SRGAP2C: variants seen among roughly 807,000 people sequenced by gnomAD.
SRGAP2C encodes SLIT-ROBO Rho GTPase activating protein 2C, also known as SLIT-ROBO Rho GTPase-activating protein 2C.
In SRGAP2C, 15 loss-of-function variants were observed where a neutral mutation model predicts 25.1. The observed-to-expected ratio is 0.60, with a 90% CI of 0.40 to 0.92. The LOEUF (loss-of-function observed/expected upper bound fraction) is 0.92. SRGAP2C is among the 40% of genes least tolerant of loss of function. SRGAP2C has a pLI of 0.00. For missense variants in SRGAP2C, 144 were observed against 264.4 expected (o/e 0.54, Z 3.16); for synonymous variants, 44 against 96.6 (o/e 0.46, Z 3.19).
intron 4 of SRGAP2C, among the ~76,000 whole-genome samples, chr1:121,334,404 G>A (rs1658468580): frequency 1.4e-5 from 2 of 146,854 alleles, no homozygotes; most frequent in Admixed American, 6.9e-5. Context: ...TGAGAAATCA[G>A]CTGTGGTTCT....
intron 2 of SRGAP2C, among the ~76,000 whole-genome samples, chr1:121,224,045 T>C (rs587643438): frequency 3.9e-5 from 6 of 152,328 alleles, no homozygotes; most frequent in Non-Finnish European, 7.3e-5. Flanking sequence ...TCATTTAGCA[T>C]TGACTATGTG....
intron 4 of SRGAP2C, among the ~76,000 whole-genome samples, chr1:121,351,656 A>G (rs1658911730): frequency 6.7e-6 from 1 of 150,110 alleles, no homozygotes; most frequent in Non-Finnish European, 1.5e-5. Flanking sequence ...TAAATAACCA[A>G]AAAGTGGAAG....
intron 2 of SRGAP2C, among the ~76,000 whole-genome samples, chr1:121,191,649 T>G (rs1165768154): frequency 6.6e-6 from 1 of 151,830 alleles, no homozygotes; most frequent in African/African-American, 2.4e-5. Context: ...TTACCAGGGT[T>G]GTGAATCTGG....
chr1:121,378,632 A>T (rs1380951629), intron 7 of SRGAP2C, among the ~76,000 whole-genome samples: 2 of 151,614 alleles, frequency 1.3e-5, no homozygotes, highest in African/African-American at 4.9e-5. Context: ...GGAGCCTGGG[A>T]TATTGGCATC....
rs1660078170 is a variant in SRGAP2C, at chr1:121,391,409, ACT to A, written c.*3555_*3556del. ...TCACTCAGTGCAAGAGTGAACACAC[ACT>A]TTGTGCCGGCTTTAAAGAACCCAGC... On this transcript the variant is annotated 3_prime_UTR_variant, in exon 10 of 10. Transcript: ENST00000367123. 1.7e-5 allele frequency: 2 copies of A among 115,444 alleles called. No individual in the cohort carries two copies. The highest frequency in any genetic ancestry group is 1.8e-4 in the Admixed American group (2 of 11,302). 7.2% of individuals were successfully genotyped at this position (115,444 alleles called of 1,614,324 possible).
rs1344303903 is a variant in SRGAP2C, at chr1:121,285,284, C to T, written c.260+289C>T. On this transcript the variant is annotated intron_variant, in intron 3 of 9. Coordinates refer to ENST00000367123, the MANE Select transcript of SRGAP2C (RefSeq NM_001329984.2). ...TTACATATATGTTAGTTTGCTTAAT[C>T]CCAACAACTCCATATGATGGTTATT... 2.7e-3 allele frequency among the ~76,000 whole-genome samples: 400 copies of T among 150,868 alleles called. 7 individuals carry two copies. Among genetic ancestry groups the T allele is most frequent in the African/African-American group, 9.2e-3 (380 of 41,148 alleles).
At chr1:121,191,057 G>A (rs1203860878) in intron 2 of SRGAP2C, among the ~76,000 whole-genome samples, 3 of 152,182 alleles carry the variant, frequency 2.0e-5, no homozygotes, top group Non-Finnish European at 4.4e-5. Context: ...GTTTGTGGGT[G>A]CCCACATTCC....
At chr1:121,310,409 G>T (rs1657955273) in intron 3 of SRGAP2C, among the ~76,000 whole-genome samples, 1 of 138,988 alleles carries the variant, frequency 7.2e-6, no homozygotes. Context: ...CTTTTGCTGT[G>T]CAGAAGCTCT....
At chr1:121,217,616 GA>G (rs1655423557) in intron 2 of SRGAP2C, among the ~76,000 whole-genome samples, 1 of 151,982 alleles carries the variant, frequency 6.6e-6, no homozygotes, top group South Asian at 2.1e-4. Flanking sequence ...AAATTCCACT[GA>G]AGTCTCTCTT....
At chr1:121,259,896 C>T (rs1266560613) in intron 2 of SRGAP2C, among the ~76,000 whole-genome samples, 1 of 133,286 alleles carries the variant, frequency 7.5e-6, no homozygotes, top group African/African-American at 2.8e-5. Context: ...TCTCTCTTGC[C>T]CAGGTTGGAG....
At chr1:121,266,123 T>A (rs1408593542) in intron 2 of SRGAP2C, among the ~76,000 whole-genome samples, 2 of 151,286 alleles carry the variant, frequency 1.3e-5, no homozygotes, top group African/African-American at 4.9e-5. Context: ...TACAGGTGCC[T>A]ACACCACACC....
intron 2 of SRGAP2C, among the ~76,000 whole-genome samples, chr1:121,250,889 G>A (rs1553331358): frequency 7.3e-6 from 1 of 136,162 alleles, no homozygotes; most frequent in Non-Finnish European, 1.6e-5. Context: ...CTGGGTGCTG[G>A]TTGCATGATT....
At chr1:121,221,986 T>G (rs1203840141) in intron 2 of SRGAP2C, among the ~76,000 whole-genome samples, 2 of 152,158 alleles carry the variant, frequency 1.3e-5, no homozygotes, top group East Asian at 1.9e-4. Flanking sequence ...CATATGTGGA[T>G]GTCACTCTTC....
chr1:121,216,085 T>TGG (rs1553324622), intron 2 of SRGAP2C, among the ~76,000 whole-genome samples: 1 of 152,180 alleles, frequency 6.6e-6, no homozygotes, highest in East Asian at 1.9e-4. Flanking sequence ...TCCTGTGTTT[T>TGG]GTCTACCAGC....
At chr1:121,320,840 C>G (rs1397578833) in intron 3 of SRGAP2C, among the ~76,000 whole-genome samples, 6 of 151,974 alleles carry the variant, frequency 3.9e-5, no homozygotes, top group Admixed American at 1.3e-4. Context: ...GGCATCGCAA[C>G]AACTGATGAT....
chr1:121,270,006 C>T (rs1656902665), intron 2 of SRGAP2C, among the ~76,000 whole-genome samples: 1 of 150,374 alleles, frequency 6.7e-6, no homozygotes, highest in Non-Finnish European at 1.5e-5. Context: ...TTCCAACTTG[C>T]ATGCTCCCAT....
intron 2 of SRGAP2C, among the ~76,000 whole-genome samples, chr1:121,201,700 G>A (rs587678422): frequency 6.6e-6 from 1 of 152,370 alleles, no homozygotes; most frequent in Non-Finnish European, 1.5e-5. Flanking sequence ...CTTGTGTTCT[G>A]CAGGCTTAGT....
intron 2 of SRGAP2C, among the ~76,000 whole-genome samples, chr1:121,211,416 T>TACACACACACAC (rs200891136): frequency 7.7e-6 from 1 of 130,204 alleles, no homozygotes; most frequent in African/African-American, 2.8e-5. Context: ...TATATACACA[T>TACACACACACAC]ACACACACAC....
In SRGAP2C at chr1:121,224,865, G is replaced by A. The variant is rs587650765; in HGVS notation, c.67+37352G>A. 1.6e-3 allele frequency among the ~76,000 whole-genome samples: 245 copies of A among 150,466 alleles called. 4 individuals are homozygous for A. The East Asian group carries it at 0.031, about 19-fold the overall frequency. On this transcript the variant is annotated intron_variant, in intron 2 of 9. Transcript: ENST00000367123. ...AGCAAGTGAAAAGGATGTGTACACA[G>A]CAGCATGAATGGGGTGCTATTCTTA...
Sources: gnomAD v4.1 joint callset for allele counts (sites outside exome capture counted in the v4.1 genomes callset) on GRCh38, gnomAD v4.1.1 for gene constraint, MANE v1.5 for transcripts, NCBI Gene and HGNC (gene_info 2026-07-23, HGNC 2026-07-21) for gene names.